The following SUPT3H variants were observed in gnomAD, a reference collection of about 807,000 sequenced individuals.
SUPT3H encodes transcription initiation protein SPT3 homolog.
A neutral mutation model predicts 44.3 loss-of-function variants in SUPT3H; 44 were observed. The observed-to-expected ratio is 0.99, with a 90% CI of 0.78 to 1.28. SUPT3H has a LOEUF of 1.28. Ranked by LOEUF, SUPT3H falls within the 50% of genes most tolerant of loss-of-function variation. The pLI is 0.00. For synonymous variants in SUPT3H, 124 were observed against 125.6 expected (o/e 0.99, Z 0.09); for missense variants, 380 against 387.1 (o/e 0.98, Z 0.15).
intron 6 of SUPT3H, among the ~76,000 whole-genome samples, chr6:44,974,957 G>C (rs886714088): frequency 3.9e-5 from 6 of 152,150 alleles, no homozygotes; most frequent in African/African-American, 1.4e-4. Flanking sequence ...GATCACCTGA[G>C]GTCAGGAGTT....
At chr6:44,897,267 G>C (rs559841141) in intron 10 of SUPT3H, among the ~76,000 whole-genome samples, 2 of 152,088 alleles carry the variant, frequency 1.3e-5, no homozygotes, top group African/African-American at 4.8e-5. Context: ...ACAGAATATC[G>C]GGTTTATTTG....
At chr6:44,855,381 C>T (rs1262500896) in intron 10 of SUPT3H, among the ~76,000 whole-genome samples, 1 of 152,112 alleles carries the variant, frequency 6.6e-6, no homozygotes, top group East Asian at 1.9e-4. Context: ...CTCTAGTGTG[C>T]TCAGAAACGA....
intron 10 of SUPT3H, among the ~76,000 whole-genome samples, chr6:44,844,216 T>C (rs1771489924): frequency 6.6e-6 from 1 of 152,164 alleles, no homozygotes; most frequent in South Asian, 2.1e-4. Context: ...ACCTCGATTC[T>C]TACCCCATAC....
intron 9 of SUPT3H, among the ~76,000 whole-genome samples, chr6:44,947,622 C>T (rs545530781): frequency 1.3e-5 from 2 of 152,050 alleles, no homozygotes; most frequent in East Asian, 3.9e-4. Context: ...ATGCGAAGAA[C>T]ACAGCATGTC....
chr6:44,840,150 A>T (rs1328987117), intron 10 of SUPT3H, among the ~76,000 whole-genome samples: 1 of 152,260 alleles, frequency 6.6e-6, no homozygotes, highest in Non-Finnish European at 1.5e-5. Flanking sequence ...GACCAGCTGC[A>T]TAAATTCTAC....
intron 7 of SUPT3H, among the ~76,000 whole-genome samples, chr6:44,960,439 C>G (rs1184594773): frequency 7.2e-6 from 1 of 138,558 alleles, no homozygotes; most frequent in Non-Finnish European, 1.6e-5. Context: ...AAAAAAAGAA[C>G]AAAAGCAAAA....
At chr6:45,085,371 T>G (rs1401850778) in intron 3 of SUPT3H, among the ~76,000 whole-genome samples, 1 of 152,170 alleles carries the variant, frequency 6.6e-6, no homozygotes, top group Non-Finnish European at 1.5e-5. Context: ...CATTCTCAAA[T>G]GATAATTTTC....
rs549353151 is a variant in SUPT3H at position 44,851,819 on chromosome 6, G to A, written c.913-21962C>T. On this transcript the variant is annotated intron_variant, in intron 10 of 10. Transcript: ENST00000371459. ...GTGTCTGGAGTGATTTCTATAAAAA[G>A]CTGCTCATTGAGCCCCTGATCAAGA... Among the ~76,000 whole-genome samples the A allele has an allele frequency of 3.2e-4, 48 of 152,200 alleles. No homozygotes were observed. In the East Asian group the frequency reaches 8.9e-3, roughly 28 times the overall value.
In SUPT3H at chr6:45,365,139, T is replaced by C. The variant is rs946360283; in HGVS notation, c.101+62A>G. The C allele has an allele frequency of 6.0e-6, 6 of 1,007,592 alleles. No individual in the cohort carries two copies. In the East Asian group the frequency reaches 7.4e-5, roughly 12 times the overall value. 62.4% of individuals were successfully genotyped at this position (1,007,592 alleles called of 1,614,324 possible). A position where few individuals can be genotyped will look rare whatever the true frequency, so the allele number is the denominator to read the frequency against. Reference sequence around the variant, plus strand: ...AGTTTTATAAATGTTGTTATGTCTATTGTCTTTCAACATGAATAAATTTAA... The same window carrying C: ...AGTTTTATAAATGTTGTTATGTCTACTGTCTTTCAACATGAATAAATTTAA... On this transcript the variant is annotated intron_variant, in intron 2 of 10. Coordinates refer to ENST00000371459, the MANE Select transcript of SUPT3H (RefSeq NM_003599.4).
chr6:45,059,904 C>T (rs1791713147), intron 3 of SUPT3H, among the ~76,000 whole-genome samples: 1 of 152,024 alleles, frequency 6.6e-6, no homozygotes, highest in African/African-American at 2.4e-5. Context: ...TGAAGGATCT[C>T]TTTGAGGAGA....
intron 2 of SUPT3H, among the ~76,000 whole-genome samples, chr6:45,343,922 T>G (rs1175953318): frequency 6.6e-6 from 1 of 152,218 alleles, no homozygotes; most frequent in Non-Finnish European, 1.5e-5. Context: ...GTCTACAGGC[T>G]TTCATTTTAT....
intron 10 of SUPT3H, among the ~76,000 whole-genome samples, chr6:44,884,140 CA>C (rs1411899214): frequency 3.3e-5 from 5 of 152,078 alleles, no homozygotes; most frequent in African/African-American, 4.8e-5. Flanking sequence ...CCAGAATCTA[CA>C]AGGAACTTAA....
At chr6:45,211,906 G>C (rs1403351205) in intron 2 of SUPT3H, among the ~76,000 whole-genome samples, 2 of 151,054 alleles carry the variant, frequency 1.3e-5, no homozygotes, top group African/African-American at 4.9e-5. Context: ...GCTCACATGT[G>C]TAATCCTAGC....
intron 3 of SUPT3H, among the ~76,000 whole-genome samples, chr6:45,070,704 C>T (rs1014343762): frequency 2.3e-5 from 3 of 129,112 alleles, no homozygotes; most frequent in African/African-American, 9.2e-5. Context: ...CACTGCACTC[C>T]AGCCTGGGTA....
chr6:44,907,149 C>T (rs1293185689), intron 10 of SUPT3H, among the ~76,000 whole-genome samples: 4 of 152,138 alleles, frequency 2.6e-5, no homozygotes, highest in Admixed American at 6.5e-5. Flanking sequence ...ATGTTTTTTA[C>T]TCCAGAGTGT....
rs535778709 is a variant in SUPT3H, at chr6:45,079,032, T to C, written c.186+26890A>G. ...GCTATTATTTTGTTACATATATTGC[T>C]GGGCGCGGTGGCTCATGCCTATAAT... On this transcript the variant is annotated intron_variant, in intron 3 of 10. Transcript: ENST00000371459. Among the ~76,000 whole-genome samples the C allele has an allele frequency of 8.5e-5, 13 of 152,236 alleles. 1 individual carries two copies. The South Asian group carries it at 2.5e-3, about 29-fold the overall frequency.
chr6:44,907,855 G>A (rs1374658017), intron 10 of SUPT3H, among the ~76,000 whole-genome samples: 3 of 152,032 alleles, frequency 2.0e-5, no homozygotes, highest in East Asian at 3.9e-4. Flanking sequence ...AGTAATGAAT[G>A]TTTATCTATA....
Position 45,098,719 on chromosome 6 carries a change from G to A in SUPT3H, c.186+7203C>T, listed in dbSNP as rs192918559. 2.7e-5 allele frequency: 11 copies of A among 405,364 alleles called. No homozygotes were observed. In the Admixed American group the frequency reaches 2.8e-4, roughly 10 times the overall value. The allele number at this position is 405,364 out of a possible 1,614,324, so 25.1% of individuals were successfully genotyped here. ...AGGTTATCCTCCCCATATGTTGGTA[G>A]TCTGGATAATACCCTTTCTGAGACA... On this transcript the variant is annotated intron_variant, in intron 3 of 10. Coordinates refer to ENST00000371459, the MANE Select transcript of SUPT3H (RefSeq NM_003599.4).
rs146041039 is a variant in SUPT3H, at chr6:44,814,513, G to A, written c.*53-5012C>T. On this transcript the variant is annotated intron_variant and NMD_transcript_variant, in intron 11 of 11. Coordinates refer to the SUPT3H transcript ENST00000475057. ...AGCAGCCTTCGAGATGGGAGGCAGCGTGGATCTCTAGAGTTGTTCTGCTGC... is the reference window on the plus strand; with the variant it reads ...AGCAGCCTTCGAGATGGGAGGCAGCATGGATCTCTAGAGTTGTTCTGCTGC... 4.8e-3 allele frequency among the ~76,000 whole-genome samples: 737 copies of A among 152,262 alleles called. 4 individuals carry two copies. The highest frequency in any genetic ancestry group is 7.9e-3 in the Non-Finnish European group (536 of 68,030).
Sources: allele counts gnomAD v4.1 joint callset (sites outside exome capture counted in the v4.1 genomes callset), GRCh38; gene constraint gnomAD v4.1.1; transcripts MANE v1.5; gene names NCBI Gene and HGNC (gene_info 2026-07-23, HGNC 2026-07-21).